Variants in SRPK2 observed in about 807,000 individuals in gnomAD.
The protein encoded by SRPK2 is SFRS protein kinase 2.
A neutral mutation model predicts 90.8 loss-of-function variants in SRPK2; 21 were observed. That is an observed-to-expected ratio of 0.23 (90% confidence interval 0.16 to 0.33). The LOEUF is 0.33. SRPK2 is among the 10% of genes least tolerant of loss of function. The probability of loss-of-function intolerance (pLI) is 1.00; values close to 1 mark genes in which losing one functional copy is unlikely to be tolerated. For missense variants in SRPK2, 620 were observed against 869.0 expected (o/e 0.71, Z 3.60); for synonymous variants, 288 against 311.1 (o/e 0.93, Z 0.78).
In SRPK2 at chr7:105,306,484, C is replaced by CA. The variant is rs376513804; in HGVS notation, c.71+82163dup. The CA allele has an allele frequency of 6.7e-3, 2,496 of 374,142 alleles. 6 individuals carry two copies. The highest frequency in any genetic ancestry group is 0.018 in the African/African-American group (834 of 45,470). The allele number at this position is 374,142 out of a possible 1,614,324, so 23.2% of individuals were successfully genotyped here. On this transcript the variant is annotated intron_variant, in intron 2 of 15. Transcript: ENST00000393651. Reference sequence around the variant, plus strand: ...CTTCTTGGTCAATACTTGAACCAGGCAAAAAAAAAACCAACACTTCCTTTG... The same window carrying CA: ...CTTCTTGGTCAATACTTGAACCAGGCAAAAAAAAAAACCAACACTTCCTTTG...
chr7:105,220,531 GA>G (rs1287026572), intron 2 of SRPK2, among the ~76,000 whole-genome samples: 1 of 150,886 alleles, frequency 6.6e-6, no homozygotes, highest in Non-Finnish European at 1.5e-5. Flanking sequence ...TCTCAAAAAA[GA>G]AAAAAAGAGT....
rs190347403 is a variant in SRPK2, at chr7:105,339,319, G to A, written c.71+49329C>T. 3.0e-4 allele frequency among the ~76,000 whole-genome samples: 46 copies of A among 152,158 alleles called. No homozygotes were observed. The East Asian group carries it at 8.3e-3, about 27-fold the overall frequency. ...AGTTAAATAATCCAAACTAGTTTTG[G>A]GGTTCTTAAATCTGTTTATTTCAAT... On this transcript the variant is annotated intron_variant, in intron 2 of 15. Transcript: ENST00000393651.
rs59883095 is a variant in SRPK2, at chr7:105,247,530, A to AC, written c.72-43746_72-43745insG. 5.1e-4 allele frequency among the ~76,000 whole-genome samples: 41 copies of AC among 80,708 alleles called. 1 individual carries two copies. Among genetic ancestry groups the AC allele is most frequent in the East Asian group, 3.4e-3 (9 of 2,626 alleles). 52.9% of individuals were successfully genotyped at this position (80,708 alleles called of 152,430 possible). A position where few individuals can be genotyped will look rare whatever the true frequency, so the allele number is the denominator to read the frequency against. ...CATACCAAAAAACACACACACACAT[A>AC]AACACACACACACACACACACACAC... On this transcript the variant is annotated intron_variant, in intron 2 of 15. Transcript: ENST00000393651.
chr7:105,137,635 T>A (rs1312976256), intron 11 of SRPK2, among the ~76,000 whole-genome samples: 1 of 152,156 alleles, frequency 6.6e-6, no homozygotes, highest in Non-Finnish European at 1.5e-5. Flanking sequence ...AGATACACAC[T>A]AAGGCTCTGG....
chr7:105,313,037 T>G (rs1350691153), intron 2 of SRPK2, among the ~76,000 whole-genome samples: 1 of 152,112 alleles, frequency 6.6e-6, no homozygotes, highest in Non-Finnish European at 1.5e-5. Context: ...AATTAATGAA[T>G]GTAGGCAATG....
rs559376198 is a variant in SRPK2, at chr7:105,374,083, C to G, written c.71+14565G>C. 1.4e-4 allele frequency among the ~76,000 whole-genome samples: 22 copies of G among 152,182 alleles called. No individual in the cohort carries two copies. In the East Asian group the frequency reaches 4.1e-3, roughly 28 times the overall value. On this transcript the variant is annotated intron_variant, in intron 2 of 15. Transcript: ENST00000393651. ...GCTGGGATTATGGCACATGCCACCACGCCCAGCTAATTTTTATATTTTTAG... is the reference window on the plus strand; with the variant it reads ...GCTGGGATTATGGCACATGCCACCAGGCCCAGCTAATTTTTATATTTTTAG...
rs568907194 is a variant in SRPK2, at chr7:105,244,099, G to C, written c.72-40314C>G. 5.3e-5 allele frequency among the ~76,000 whole-genome samples: 8 copies of C among 152,306 alleles called. No homozygotes were observed. In the South Asian group the frequency reaches 1.4e-3, roughly 28 times the overall value. On this transcript the variant is annotated intron_variant, in intron 2 of 15. Coordinates refer to ENST00000393651, the MANE Select transcript of SRPK2 (RefSeq NM_182692.3). ...GAGCTGGCAGGGGTAGAGGGCCCAA[G>C]TCCCGTCCGCTGGTCAGGAGGCTTT...
intron 7 of SRPK2, among the ~76,000 whole-genome samples, chr7:105,147,028 G>A (rs1230234209): frequency 6.6e-6 from 1 of 152,162 alleles, no homozygotes; most frequent in African/African-American, 2.4e-5. Context: ...AGATAATGAG[G>A]ATGAAGACCT....
intron 2 of SRPK2, among the ~76,000 whole-genome samples, chr7:105,357,019 T>C (rs1203924587): frequency 6.6e-6 from 1 of 152,134 alleles, no homozygotes; most frequent in Admixed American, 6.6e-5. Flanking sequence ...ATCACTTGAT[T>C]TTTTTAGGTA....
intron 13 of SRPK2, among the ~76,000 whole-genome samples, chr7:105,131,052 T>C (rs1801927590): frequency 6.6e-6 from 1 of 152,212 alleles, no homozygotes. Flanking sequence ...GCAGGTCAGA[T>C]AACCTGGTAT....
intron 2 of SRPK2, chr7:105,269,068 A>T (rs1016736722): frequency 2.4e-6 from 3 of 1,225,446 alleles, no homozygotes; most frequent in Non-Finnish European, 3.1e-6. Context: ...AACTATGCAC[A>T]TGACTGTTTA....
chr7:105,313,681 G>A (rs937296682), intron 2 of SRPK2, among the ~76,000 whole-genome samples: 13 of 152,016 alleles, frequency 8.6e-5, no homozygotes, highest in Admixed American at 7.9e-4. Flanking sequence ...AACCAGGGAG[G>A]CGGAGGTTGC....
At chr7:105,285,280 G>A (rs1230867640) in intron 2 of SRPK2, among the ~76,000 whole-genome samples, 1 of 151,420 alleles carries the variant, frequency 6.6e-6, no homozygotes, top group Non-Finnish European at 1.5e-5. Flanking sequence ...CAGCTACTCG[G>A]GAGGCTGAGG....
chr7:105,361,045 G>C (rs1382612268), intron 2 of SRPK2, among the ~76,000 whole-genome samples: 1 of 152,162 alleles, frequency 6.6e-6, no homozygotes, highest in Admixed American at 6.6e-5. Context: ...AATTGTCCCT[G>C]TTTGCAGATG....
intron 2 of SRPK2, chr7:105,306,499 C>T: frequency 2.2e-6 from 1 of 454,248 alleles, no homozygotes; most frequent in Non-Finnish European, 4.4e-6. Context: ...AAAAAACCAA[C>T]ACTTCCTTTG....
chr7:105,255,947 G>C (rs1803230312), intron 2 of SRPK2, among the ~76,000 whole-genome samples: 1 of 150,850 alleles, frequency 6.6e-6, no homozygotes, highest in Admixed American at 6.6e-5. Flanking sequence ...AAAAGAGAGA[G>C]AGCGAGAACA....
In SRPK2 at chr7:105,202,952, T is replaced by C. The variant is rs999560356; in HGVS notation, c.229+676A>G. 3.9e-5 allele frequency among the ~76,000 whole-genome samples: 6 copies of C among 152,300 alleles called. No individual in the cohort carries two copies. The South Asian group carries it at 1.2e-3, about 32-fold the overall frequency. ...CTCCCCTCAGGAGCCTGGTACACTTTCTCCTCTCTATGTTCTTTTATTATT... is the reference window on the plus strand; with the variant it reads ...CTCCCCTCAGGAGCCTGGTACACTTCCTCCTCTCTATGTTCTTTTATTATT... On this transcript the variant is annotated intron_variant, in intron 3 of 15. Transcript: ENST00000393651.
At chr7:105,239,750 G>A (rs958473429) in intron 2 of SRPK2, among the ~76,000 whole-genome samples, 1 of 152,178 alleles carries the variant, frequency 6.6e-6, no homozygotes, top group African/African-American at 2.4e-5. Flanking sequence ...TCCAAGTCTA[G>A]ATTCAAATAC....
intron 2 of SRPK2, among the ~76,000 whole-genome samples, chr7:105,323,329 G>T (rs542241266): frequency 4.6e-5 from 7 of 152,180 alleles, no homozygotes; most frequent in Non-Finnish European, 7.4e-5. Context: ...ACAAATGAAG[G>T]TAAAGCCTTC....
Sources: allele counts gnomAD v4.1 joint callset (sites outside exome capture counted in the v4.1 genomes callset), GRCh38; gene constraint gnomAD v4.1.1; transcripts MANE v1.5; gene names NCBI Gene and HGNC (gene_info 2026-07-23, HGNC 2026-07-21).